Variants in CECR2 observed in about 807,000 individuals in gnomAD.
The protein encoded by CECR2 is chromatin remodeling regulator CECR2.
In CECR2, 30 loss-of-function variants were observed where a neutral mutation model predicts 154.5. The ratio of observed to expected loss-of-function variants is 0.19; its 90% CI spans 0.15 to 0.26. CECR2 has a LOEUF of 0.26. CECR2 is among the 10% of genes least tolerant of loss of function. CECR2 has a pLI of 1.00. For synonymous variants in CECR2, 725 were observed against 683.7 expected (o/e 1.06, Z -0.94); for missense variants, 1,743 against 1,829.3 (o/e 0.95, Z 0.86).
chr22:17,376,389 C>G (rs1257282012), intron 1 of CECR2, among the ~76,000 whole-genome samples: 1 of 152,122 alleles, frequency 6.6e-6, no homozygotes, highest in African/African-American at 2.4e-5. Context: ...CTGGAATACA[C>G]TTAGGAAAGC....
intron 7 of CECR2, among the ~76,000 whole-genome samples, chr22:17,505,858 T>TTA (rs1223945138): frequency 1.4e-5 from 2 of 147,440 alleles, no homozygotes; most frequent in African/African-American, 2.5e-5. Context: ...TTTTTTTTTT[T>TTA]TAAGGACAAG....
At position 17,471,662 on chromosome 22, in the gene CECR2, G is replaced by A. The variant is rs114051089; in HGVS notation, c.127-5926G>A. Among the ~76,000 whole-genome samples the A allele has an allele frequency of 9.4e-3, 1,423 of 151,880 alleles. 22 individuals carry two copies. The highest frequency in any genetic ancestry group is 0.032 in the African/African-American group (1,346 of 41,418). On this transcript the variant is annotated intron_variant, in intron 1 of 18. Transcript: ENST00000262608. The stretch of plus-strand genomic sequence containing the variant: ...GCGATTCTCCTGCCTCAGCCTCCCC[G>A]GTAGTTGGGATTACAGGCACCCGCC...
At position 17,542,673 on chromosome 22, in the gene CECR2, T is replaced by C. The variant is rs2056547037; in HGVS notation, c.2530T>C (p.Cys844Arg). The change falls in exon 16 of 19, where the codon TGC (cysteine) becomes CGC (arginine). Residue 844 changes from cysteine to arginine, a missense_variant. Coordinates refer to ENST00000262608, the MANE Select transcript of CECR2 (RefSeq NM_001290047.2). ...TTCCTCAGGGTACATGCGACCGCCC[T>C]GCAAGTCTGCCGGACATCGGTTACA... ...VPSSGYMRPP[C>R]KSAGHRLQPP... 1.2e-6 allele frequency: 2 copies of C among 1,613,988 alleles called. No homozygotes were observed. The highest frequency in any genetic ancestry group is 8.5e-7 in the Non-Finnish European group (1 of 1,179,890).
At chr22:17,452,722 A>T (rs974949730) in intron 1 of CECR2, among the ~76,000 whole-genome samples, 11 of 152,168 alleles carry the variant, frequency 7.2e-5, no homozygotes, top group African/African-American at 2.4e-4. Context: ...GGCATTGGTC[A>T]TTGAGTAGGA....
chr22:17,388,947 G>T (rs2146497965), intron 1 of CECR2, among the ~76,000 whole-genome samples: 1 of 152,020 alleles, frequency 6.6e-6, no homozygotes, highest in East Asian at 1.9e-4. Context: ...CGAGTAGCTG[G>T]AACTACAGGC....
intron 2 of CECR2, among the ~76,000 whole-genome samples, chr22:17,479,283 G>A (rs914316995): frequency 5.3e-5 from 8 of 152,180 alleles, no homozygotes; most frequent in Non-Finnish European, 1.2e-4. Context: ...TGATCAGTGC[G>A]TGAGAGTGTC....
chr22:17,414,194 G>C (rs570002275), intron 1 of CECR2, among the ~76,000 whole-genome samples: 1 of 151,596 alleles, frequency 6.6e-6, no homozygotes, highest in Non-Finnish European at 1.5e-5. Context: ...GGATGGTCTC[G>C]ATCGCCTGAC....
chr22:17,459,378 A>G (rs962324599), intron 1 of CECR2, among the ~76,000 whole-genome samples: 3 of 152,116 alleles, frequency 2.0e-5, no homozygotes, highest in African/African-American at 4.8e-5. Context: ...TGCCTCTGCA[A>G]CTTCCCGGGT....
At chr22:17,406,281 G>A (rs2053982112) in intron 1 of CECR2, among the ~76,000 whole-genome samples, 1 of 152,204 alleles carries the variant, frequency 6.6e-6, no homozygotes, top group Non-Finnish European at 1.5e-5. Context: ...AGCACTTTGG[G>A]AGGCCAAGGC....
rs988541675 is a variant in CECR2, at chr22:17,454,474, G to A, written c.127-23114G>A. On this transcript the variant is annotated intron_variant, in intron 1 of 18. Coordinates refer to ENST00000262608, the MANE Select transcript of CECR2 (RefSeq NM_001290047.2). Reference sequence around the variant, plus strand: ...CAAAAAATTAGCCAGGTGTGGTGGCGGGCACCTGTAGTCCCAGCTACTCGG... The same window carrying A: ...CAAAAAATTAGCCAGGTGTGGTGGCAGGCACCTGTAGTCCCAGCTACTCGG... Among the ~76,000 whole-genome samples, 3 of 151,772 alleles carry A rather than the reference G, an allele frequency of 2.0e-5. No homozygotes were observed. In the East Asian group the frequency reaches 5.8e-4, roughly 29 times the overall value.
intron 7 of CECR2, among the ~76,000 whole-genome samples, chr22:17,508,677 C>T (rs1477012832): frequency 6.6e-6 from 1 of 152,090 alleles, no homozygotes. Context: ...GACCCTCAGG[C>T]TGTACCCCAT....
chr22:17,464,567 A>G (rs935644593), intron 1 of CECR2, among the ~76,000 whole-genome samples: 1 of 152,096 alleles, frequency 6.6e-6, no homozygotes, highest in African/African-American at 2.4e-5. Flanking sequence ...CGGCATGCTC[A>G]TAGCTCACTG....
At chr22:17,424,380 G>A (rs2054300137) in intron 1 of CECR2, 1 of 186,684 alleles carries the variant, frequency 5.4e-6, no homozygotes, top group Non-Finnish European at 1.2e-5. Flanking sequence ...GGGGAGTGTG[G>A]TCATCTCCCT....
At chr22:17,379,622 GTGTT>G (rs1309433917) in intron 1 of CECR2, among the ~76,000 whole-genome samples, 1 of 149,934 alleles carries the variant, frequency 6.7e-6, no homozygotes, top group Non-Finnish European at 1.5e-5. Context: ...GTGTGTGTGT[GTGTT>G]TGCGATATAT....
intron 1 of CECR2, among the ~76,000 whole-genome samples, chr22:17,452,811 C>T (rs1006094846): frequency 2.0e-5 from 3 of 151,944 alleles, no homozygotes; most frequent in Non-Finnish European, 2.9e-5. Flanking sequence ...GTTCTTCAAG[C>T]GCTGAAGAAG....
chr22:17,421,614 C>CA (rs34156323), intron 1 of CECR2, among the ~76,000 whole-genome samples: 2,179 of 23,372 alleles, frequency 0.093, 399 homozygotes, highest in South Asian at 0.14. Context: ...GACTCCGTCT[C>CA]AAAAAAAAAA....
At chr22:17,525,310 A>G in intron 9 of CECR2, among the ~76,000 whole-genome samples, 1 of 145,970 alleles carries the variant, frequency 6.9e-6, no homozygotes, top group Non-Finnish European at 1.5e-5. Flanking sequence ...AAAAAAAAAA[A>G]AAAAAGAAAG....
At chr22:17,393,771 A>G (rs1440789268) in intron 1 of CECR2, among the ~76,000 whole-genome samples, 1 of 151,844 alleles carries the variant, frequency 6.6e-6, no homozygotes, top group African/African-American at 2.4e-5. Context: ...GCACCTTTTC[A>G]TGTGTTGCCA....
chr22:17,396,113 G>A (rs1050770394), intron 1 of CECR2, among the ~76,000 whole-genome samples: 8 of 151,386 alleles, frequency 5.3e-5, no homozygotes, highest in African/African-American at 1.7e-4. Context: ...GTGGTGGTGC[G>A]TTACTGCAGT....
Sources: allele counts gnomAD v4.1 joint callset (sites outside exome capture counted in the v4.1 genomes callset), GRCh38; gene constraint gnomAD v4.1.1; transcripts MANE v1.5; gene names NCBI Gene and HGNC (gene_info 2026-07-23, HGNC 2026-07-21).